RNASEH2B: variants seen among roughly 807,000 people sequenced by gnomAD.
RNASEH2B encodes the protein Aicardi-Goutieres syndrome 2 protein.
RNASEH2B carries 36 observed loss-of-function variants against 45.0 expected under a neutral mutation model. The observed-to-expected ratio is 0.80, with a 90% CI of 0.61 to 1.06. The LOEUF (loss-of-function observed/expected upper bound fraction) is 1.06, where lower values mean the gene tolerates loss of function less well. RNASEH2B is among the 50% of genes least tolerant of loss of function. The probability of loss-of-function intolerance (pLI) is 0.00; values close to 1 mark genes in which losing one functional copy is unlikely to be tolerated. For missense variants in RNASEH2B, 361 were observed against 360.3 expected, an observed-to-expected ratio of 1.00 and a Z score of -0.02; for synonymous variants, 119 against 125.7, an observed-to-expected ratio of 0.95 and a Z score of 0.35.
Position 50,956,437 on chromosome 13 carries a change from T to A in RNASEH2B, c.902T>A (p.Phe301Tyr). The change falls in exon 11 of 11, where the codon TTT becomes TAT. Residue 301 changes from phenylalanine (F) to tyrosine (Y), a missense_variant. By Grantham distance (22) the Phe-to-Tyr change is conservative (BLOSUM62 3). Coordinates refer to ENST00000336617, the MANE Select transcript of RNASEH2B (RefSeq NM_024570.4). Reference protein sequence around the residue: ...KSGMKSIDTFFGVKNKKKIGK... With the variant: ...KSGMKSIDTFYGVKNKKKIGK... ...GGAATGAAAAGTATTGATACCTTTT[T>A]TGGGGTAAAAAATAAAAAAAAAATT... 1.2e-6 allele frequency: 2 copies of A among 1,600,532 alleles called. No homozygotes were observed. Among genetic ancestry groups the A allele is most frequent in the Non-Finnish European group, 8.5e-7 (1 of 1,171,218 alleles).
rs909336114 is a variant in RNASEH2B, at chr13:50,909,862, C to T, written c.-215C>T. On this transcript the variant is annotated 5_prime_UTR_variant, in exon 1 of 11. Transcript: ENST00000336617. ...GCGGCCACCGGCCGGCATTCAGAGCCCCTCGCCTGGCGCTAAATTTAAAAA... is the reference window on the plus strand; with the variant it reads ...GCGGCCACCGGCCGGCATTCAGAGCTCCTCGCCTGGCGCTAAATTTAAAAA... 10 of 433,482 alleles carry T rather than the reference C, an allele frequency of 2.3e-5. No individual in the cohort carries two copies. Among genetic ancestry groups the T allele is most frequent in the African/African-American group, 1.9e-4 (9 of 48,210 alleles). The allele number at this position is 433,482 out of a possible 1,614,324, so 26.9% of individuals were successfully genotyped here.
At chr13:50,935,076 C>G (rs1951730239) in intron 5 of RNASEH2B, 77 bp downstream of exon 5, 2 of 884,074 alleles carry the variant, frequency 2.3e-6, no homozygotes, top group African/African-American at 1.7e-5. Context: ...TACAGACACA[C>G]TGAATGTAAG....
intron 2 of RNASEH2B, 57 bp from the exon 3 acceptor site, chr13:50,929,418 G>T: frequency 9.9e-7 from 1 of 1,007,988 alleles, no homozygotes; most frequent in Non-Finnish European, 1.6e-6. Context: ...TGGGGTGTGT[G>T]TGTGTTTGTG....
At chr13:50,940,475 A>G (rs1439839095) in intron 5 of RNASEH2B, among the ~76,000 whole-genome samples, 3 of 152,222 alleles carry the variant, frequency 2.0e-5, no homozygotes, top group Non-Finnish European at 4.4e-5. Flanking sequence ...CTAACACAGT[A>G]TTTATTTTTA....
chr13:50,940,227 G>A (rs1951816924), intron 5 of RNASEH2B, among the ~76,000 whole-genome samples: 1 of 152,182 alleles, frequency 6.6e-6, no homozygotes, highest in Non-Finnish European at 1.5e-5. Flanking sequence ...CTATAATGAT[G>A]GATGAGTGGT....
At chr13:50,915,516 AT>A (rs1332587291) in intron 1 of RNASEH2B, 1 of 398,434 alleles carries the variant, frequency 2.5e-6, no homozygotes, top group African/African-American at 2.1e-5. Flanking sequence ...TTTCATCATG[AT>A]TATTCATTTA....
chr13:50,913,901 T>C (rs1046297085), intron 1 of RNASEH2B, among the ~76,000 whole-genome samples: 17 of 152,156 alleles, frequency 1.1e-4, no homozygotes, highest in African/African-American at 4.1e-4. Flanking sequence ...AAAATAGATG[T>C]GGAAGGATTG....
chr13:50,931,955 TAC>T (rs60335654), intron 4 of RNASEH2B, among the ~76,000 whole-genome samples: 4,279 of 148,936 alleles, frequency 0.029, 187 homozygotes, highest in African/African-American at 0.094. Flanking sequence ...CATCTCATTT[TAC>T]ACACACACAC....
chr13:50,913,759 G>A (rs1414479599), intron 1 of RNASEH2B, among the ~76,000 whole-genome samples: 2 of 152,146 alleles, frequency 1.3e-5, no homozygotes, highest in Non-Finnish European at 2.9e-5. Flanking sequence ...GGAGGTAGAG[G>A]ATGGGTTGCT....
At chr13:50,949,399 C>G in intron 8 of RNASEH2B, 64 bp from the exon 9 acceptor site, 1 of 1,485,312 alleles carries the variant, frequency 6.7e-7, no homozygotes, top group Non-Finnish European at 9.4e-7. Flanking sequence ...TAAGTTGGCC[C>G]TGTCTTTCTG....
intron 5 of RNASEH2B, chr13:50,938,319 A>G (rs960350760): frequency 2.6e-5 from 4 of 152,206 alleles, no homozygotes; most frequent in Non-Finnish European, 5.9e-5. Flanking sequence ...GGAAGACTCA[A>G]TATTTTTAAG....
At chr13:50,952,799 T>A (rs758365643) in intron 9 of RNASEH2B, 1 of 152,242 alleles carries the variant, frequency 6.6e-6, no homozygotes, top group Non-Finnish European at 1.5e-5. Context: ...AATGATTCAT[T>A]TGCTAGAGGT....
At chr13:50,960,873 C>A (rs890225542), downstream of RNASEH2B, among the ~76,000 whole-genome samples, 2 of 152,100 alleles carry the variant, frequency 1.3e-5, no homozygotes, top group Non-Finnish European at 2.9e-5. Context: ...GTTTAAGAAT[C>A]TTAGAGGTAA....
intron 9 of RNASEH2B, among the ~76,000 whole-genome samples, chr13:50,969,169 G>C (rs2138047878): frequency 6.6e-6 from 1 of 152,322 alleles, no homozygotes; most frequent in East Asian, 1.9e-4. Context: ...CGAGTAGACA[G>C]ATGATATCTC....
chr13:50,945,827 C>G (rs1359372563), intron 7 of RNASEH2B, among the ~76,000 whole-genome samples: 1 of 152,148 alleles, frequency 6.6e-6, no homozygotes, highest in Non-Finnish European at 1.5e-5. Flanking sequence ...GTGCCAGGCC[C>G]TTTGCTAAGT....
intron 5 of RNASEH2B, chr13:50,939,285 A>C (rs1278895370): frequency 6.6e-6 from 1 of 151,722 alleles, no homozygotes; most frequent in African/African-American, 2.4e-5. Context: ...TGAACCCAGG[A>C]GGCAGAGCTT....
At chr13:50,918,315 T>A (rs1879860581) in intron 1 of RNASEH2B, among the ~76,000 whole-genome samples, 1 of 152,126 alleles carries the variant, frequency 6.6e-6, no homozygotes, top group Admixed American at 6.5e-5. Flanking sequence ...TTTTTTGTAT[T>A]TTTAGTAGAC....
chr13:50,958,346 G>C (rs1952076939), downstream of RNASEH2B, among the ~76,000 whole-genome samples: 2 of 152,130 alleles, frequency 1.3e-5, no homozygotes, highest in South Asian at 4.1e-4. Flanking sequence ...ATTGAACAGG[G>C]AGTCCTTTCC....
intron 5 of RNASEH2B, among the ~76,000 whole-genome samples, chr13:50,940,139 G>A (rs1171962914): frequency 2.0e-5 from 3 of 152,180 alleles, no homozygotes; most frequent in Non-Finnish European, 4.4e-5. Flanking sequence ...ATAATGTTGA[G>A]CAAAAGAAAT....
Sources: allele counts gnomAD v4.1 joint callset (sites outside exome capture counted in the v4.1 genomes callset), GRCh38; gene constraint gnomAD v4.1.1; transcripts MANE v1.5; gene names NCBI Gene and HGNC (gene_info 2026-07-23, HGNC 2026-07-21).